The following SGCZ variants were observed in gnomAD, a reference collection of about 807,000 sequenced individuals.
The protein encoded by SGCZ is zeta-sarcoglycan.
SGCZ carries 40 observed loss-of-function variants against 41.3 expected under a neutral mutation model. The ratio of observed to expected loss-of-function variants is 0.97; its 90% CI spans 0.75 to 1.26. SGCZ has a LOEUF of 1.26. SGCZ is among the 50% of genes most tolerant of loss of function. The pLI is 0.00. For missense variants in SGCZ, 552 were observed against 369.8 expected, an observed-to-expected ratio of 1.49 and a Z score of -4.04; for synonymous variants, 206 against 137.5, an observed-to-expected ratio of 1.50 and a Z score of -3.49.
intron 1 of SGCZ, among the ~76,000 whole-genome samples, chr8:15,097,909 T>TAC (rs1563124230): frequency 7.5e-4 from 82 of 109,330 alleles, no homozygotes; most frequent in African/African-American, 2.8e-3. Context: ...TATATATATA[T>TAC]ACGTGTGTAT....
intron 1 of SGCZ, among the ~76,000 whole-genome samples, chr8:14,915,037 A>G (rs1799390719): frequency 6.6e-6 from 1 of 152,180 alleles, no homozygotes; most frequent in Non-Finnish European, 1.5e-5. Context: ...TTACCCCAGT[A>G]AAAATATTTT....
At chr8:14,471,273 T>C (rs1801206220) in intron 2 of SGCZ, among the ~76,000 whole-genome samples, 1 of 152,134 alleles carries the variant, frequency 6.6e-6, no homozygotes, top group African/African-American at 2.4e-5. Flanking sequence ...AGTGTACTCA[T>C]TATCACATAA....
intron 1 of SGCZ, among the ~76,000 whole-genome samples, chr8:15,200,740 C>A (rs1180134659): frequency 2.0e-5 from 3 of 152,078 alleles, no homozygotes; most frequent in South Asian, 2.1e-4. Context: ...ATTGTAGGAA[C>A]TATCAATATC....
At chr8:14,168,741 C>T (rs1021603501) in intron 4 of SGCZ, among the ~76,000 whole-genome samples, 2 of 152,070 alleles carry the variant, frequency 1.3e-5, no homozygotes, top group Admixed American at 1.3e-4. Flanking sequence ...TTACCCTATG[C>T]TAGTCATTAA....
In SGCZ at chr8:14,266,900, T is replaced by C. The variant is rs17118883; in HGVS notation, c.337-29221A>G. 2.1e-3 allele frequency among the ~76,000 whole-genome samples: 319 copies of C among 152,194 alleles called. 8 individuals are homozygous for C. In the East Asian group the frequency reaches 0.05, roughly 24 times the overall value. ...ACCACAAAATGGAGTAGAGGAACTA[T>C]TGCAAGACAAAATATGAAGAGCTAG... On this transcript the variant is annotated intron_variant, in intron 3 of 7. Transcript: ENST00000382080.
intron 2 of SGCZ, among the ~76,000 whole-genome samples, chr8:14,553,015 T>C (rs1803920409): frequency 6.6e-6 from 1 of 151,986 alleles, no homozygotes; most frequent in Non-Finnish European, 1.5e-5. Flanking sequence ...TTTATAATAT[T>C]AATTTTAGTT....
At chr8:14,363,418 T>A (rs1324130775) in intron 2 of SGCZ, among the ~76,000 whole-genome samples, 1 of 152,128 alleles carries the variant, frequency 6.6e-6, no homozygotes, top group East Asian at 1.9e-4. Flanking sequence ...TAATTTTGAA[T>A]CAGTTGCAAG....
chr8:14,842,629 T>C (rs2130630907), intron 1 of SGCZ, among the ~76,000 whole-genome samples: 1 of 152,278 alleles, frequency 6.6e-6, no homozygotes, highest in African/African-American at 2.4e-5. Flanking sequence ...CAAAACACAG[T>C]GCTTATAAGC....
chr8:15,176,047 G>A (rs1563166700), intron 1 of SGCZ, among the ~76,000 whole-genome samples: 1 of 152,086 alleles, frequency 6.6e-6, no homozygotes, highest in African/African-American at 2.4e-5. Flanking sequence ...CAATTTAAGT[G>A]AAAAAATGGA....
chr8:14,645,518 A>T (rs1010835772), intron 1 of SGCZ, among the ~76,000 whole-genome samples: 11 of 142,986 alleles, frequency 7.7e-5, no homozygotes, highest in African/African-American at 2.9e-4. Context: ...TATATGCAAT[A>T]ATTATGTTTA....
chr8:14,445,573 C>A (rs556332619), intron 2 of SGCZ, among the ~76,000 whole-genome samples: 2 of 152,118 alleles, frequency 1.3e-5, no homozygotes, highest in African/African-American at 2.4e-5. Context: ...CCACTGAAAA[C>A]CATTTCCACC....
chr8:14,341,971 G>A (rs1052094247), intron 2 of SGCZ, among the ~76,000 whole-genome samples: 1 of 152,178 alleles, frequency 6.6e-6, no homozygotes, highest in African/African-American at 2.4e-5. Context: ...AGAATGTGGT[G>A]TTGTTGAAAA....
chr8:15,007,764 T>C (rs73665364), intron 1 of SGCZ, among the ~76,000 whole-genome samples: 17,461 of 152,260 alleles, frequency 0.11, 1,612 homozygotes, highest in African/African-American at 0.25. Flanking sequence ...ATTAAAATAC[T>C]AATTGAAATA....
intron 3 of SGCZ, among the ~76,000 whole-genome samples, chr8:14,314,636 A>G (rs1801655811): frequency 6.6e-6 from 1 of 152,182 alleles, no homozygotes; most frequent in African/African-American, 2.4e-5. Flanking sequence ...AACTACAATC[A>G]GTAGGTAAGT....
intron 1 of SGCZ, among the ~76,000 whole-genome samples, chr8:14,986,173 C>T (rs1386562879): frequency 6.6e-6 from 1 of 151,918 alleles, no homozygotes; most frequent in Non-Finnish European, 1.5e-5. Context: ...AGGTATGGAA[C>T]ATTTTTAAGT....
At chr8:14,545,766 C>A (rs1296756418) in intron 2 of SGCZ, among the ~76,000 whole-genome samples, 1 of 152,136 alleles carries the variant, frequency 6.6e-6, no homozygotes, top group Non-Finnish European at 1.5e-5. Flanking sequence ...TCAAACCTAT[C>A]AACTAACAAG....
In SGCZ at chr8:14,479,369, C is replaced by T. The variant is rs144348016; in HGVS notation, c.234+75363G>A. On this transcript the variant is annotated intron_variant, in intron 2 of 7. Transcript: ENST00000382080. ...CGAGTCTCGTATTTCCTCTTTGCTCCGCCTGCTTTTATTTCAGCAGCGTTC... is the reference window on the plus strand; with the variant it reads ...CGAGTCTCGTATTTCCTCTTTGCTCTGCCTGCTTTTATTTCAGCAGCGTTC... 6.7e-3 allele frequency among the ~76,000 whole-genome samples: 1,027 copies of T among 152,246 alleles called. 8 individuals carry two copies. Among genetic ancestry groups the T allele is most frequent in the Non-Finnish European group, 0.011 (729 of 68,024 alleles).
At chr8:14,334,008 C>T (rs1802425294) in intron 2 of SGCZ, among the ~76,000 whole-genome samples, 2 of 152,078 alleles carry the variant, frequency 1.3e-5, no homozygotes, top group African/African-American at 4.8e-5. Context: ...GTGTCACTTC[C>T]TATTTTCAGT....
Position 15,237,805 on chromosome 8 carries a change from A to C in SGCZ, c.-182T>G. 2 of 576,292 alleles carry C rather than the reference A, an allele frequency of 3.5e-6. No individual in the cohort carries two copies. The highest frequency in any genetic ancestry group is 6.2e-6 in the Non-Finnish European group (2 of 322,180). The allele number at this position is 576,292 out of a possible 1,614,324, so 35.7% of individuals were successfully genotyped here. A position where few individuals can be genotyped will look rare whatever the true frequency, so the allele number is the denominator to read the frequency against. ...TAAAAATAAGGAAAATAAATAAATA[A>C]TAATGATAATTCACTTTATTTTACT... On this transcript the variant is annotated 5_prime_UTR_variant, in exon 1 of 8. Transcript: ENST00000382080.
Sources: gnomAD v4.1 joint callset for allele counts (sites outside exome capture counted in the v4.1 genomes callset) on GRCh38, gnomAD v4.1.1 for gene constraint, MANE v1.5 for transcripts, NCBI Gene and HGNC (gene_info 2026-07-23, HGNC 2026-07-21) for gene names.